Variants in PIEZO2 observed in about 807,000 individuals in gnomAD.
The protein encoded by PIEZO2 is piezo type mechanosensitive ion channel component 2.
A neutral mutation model predicts 337.3 loss-of-function variants in PIEZO2; 172 were observed. That is an observed-to-expected ratio of 0.51 (90% CI 0.45 to 0.58). The LOEUF is 0.58. PIEZO2 is among the 20% of genes least tolerant of loss of function. PIEZO2 has a pLI of 0.00. For missense variants in PIEZO2, 3,028 were observed against 3,391.3 expected (o/e 0.89, Z 2.66); for synonymous variants, 1,251 against 1,228.5 (o/e 1.02, Z -0.38).
chr18:10,759,109 G>T lies in PIEZO2; in HGVS notation c.3757+373C>A, dbSNP rs2038011496. Among the ~76,000 whole-genome samples, 1 of 151,828 alleles carries T rather than the reference G, an allele frequency of 6.6e-6. No individual in the cohort carries two copies. Reference sequence around the variant, plus strand: ...CCAGCATCCACTGTCCCATGTTCAGGGTTTATTTATCTGCACTGGGAGCCA... The same window carrying T: ...CCAGCATCCACTGTCCCATGTTCAGTGTTTATTTATCTGCACTGGGAGCCA... On this transcript the variant is annotated intron_variant, in intron 26 of 55. Coordinates refer to ENST00000674853, the MANE Select transcript of PIEZO2 (RefSeq NM_001378183.1). This position sits in a 1 kb window ranked among gnomAD's most constrained non-coding sequence, Gnocchi z 5.5.
chr18:10,684,332 A>ATT (rs61237263), intron 49 of PIEZO2, among the ~76,000 whole-genome samples: 33,542 of 147,958 alleles, frequency 0.23, 5,169 homozygotes, highest in African/African-American at 0.43. Flanking sequence ...TGCCTGGCTA[A>ATT]TTTTTTGTAT....
Position 10,742,543 on chromosome 18 carries a change from C to T in PIEZO2, c.4587G>A (p.Glu1529=). Residue 1529 remains glutamate, a synonymous_variant, in exon 32 of 56, where the codon GAG becomes GAA. Transcript: ENST00000674853. ...TTTGCATGTCCTGGCCTTCCCCTGG[C>T]TCCTGGGTCAAGCTCAGCATCCTCT... ...GKERMLSLTQ[E]PGEGQDMQKL... The T allele has an allele frequency of 6.5e-7, 1 of 1,537,216 alleles. No individual in the cohort carries two copies. Among genetic ancestry groups the T allele is most frequent in the South Asian group, 1.2e-5 (1 of 84,054 alleles).
chr18:10,840,335 T>C (rs2041153275), intron 7 of PIEZO2, among the ~76,000 whole-genome samples: 1 of 152,228 alleles, frequency 6.6e-6, no homozygotes, highest in African/African-American at 2.4e-5. Flanking sequence ...GTGCCATGTA[T>C]GTTAATCACA....
Position 10,759,798 on chromosome 18 carries a change from C to A in PIEZO2, c.3562G>T (p.Ala1188Ser), listed in dbSNP as rs1032376682. 1.3e-6 allele frequency: 2 copies of A among 1,537,198 alleles called. No individual in the cohort carries two copies. Among genetic ancestry groups the A allele is most frequent in the South Asian group, 1.2e-5 (1 of 84,058 alleles). ...CAGCAGTACTTGGGCCAGATCTCTG[C>A]GATGGCTTTCCTTCTGCGTCTATAT... ...VLYRRRRKAI[A>S]EIWPKYCCFL... The change falls in exon 25 of 56, where the codon GCA becomes TCA. Residue 1188 changes from alanine to serine, a missense_variant. By Grantham distance (99) the Ala-to-Ser change is moderately conservative. This residue lies in a region of PIEZO2 where 1,925 missense variants were observed against 2,051.9 expected (regional missense o/e 0.94). Coordinates refer to ENST00000674853, the MANE Select transcript of PIEZO2 (RefSeq NM_001378183.1). The surrounding 1 kb of genome is among the most constrained non-coding windows in gnomAD (Gnocchi z 5.5).
rs1390880539 is a variant in PIEZO2 at position 10,886,345 on chromosome 18, C to CATATACATATATATATATATAT, written c.330-14931_330-14930insATATATATATATATATGTATAT. Reference sequence around the variant, plus strand: ...ATACATATATATATATATATATATACACACACACACACACACATATATATG... The same window carrying CATATACATATATATATATATAT: ...ATACATATATATATATATATATATACATATACATATATATATATATATACACACACACACACACATATATATG... On this transcript the variant is annotated intron_variant, in intron 4 of 55. Coordinates refer to ENST00000674853, the MANE Select transcript of PIEZO2 (RefSeq NM_001378183.1). Among the ~76,000 whole-genome samples the CATATACATATATATATATATAT allele has an allele frequency of 6.1e-4, 5 of 8,132 alleles. 1 individual carries two copies. The highest frequency in any genetic ancestry group is 8.6e-4 in the African/African-American group (1 of 1,164). The allele number at this position is 8,132 out of a possible 152,430, so 5.3% of individuals were successfully genotyped here.
intron 3 of PIEZO2, among the ~76,000 whole-genome samples, chr18:10,949,088 T>C (rs1192018160): frequency 6.6e-6 from 1 of 152,184 alleles, no homozygotes; most frequent in Non-Finnish European, 1.5e-5. Context: ...ACAGAAATGG[T>C]CATTTGTTGG....
rs149883737 is a variant in PIEZO2 at position 10,820,939 on chromosome 18, C to A, written c.918-13665G>T. On this transcript the variant is annotated intron_variant, in intron 7 of 55. Transcript: ENST00000674853. Reference sequence around the variant, plus strand: ...TTTCAGAAATCTATATGAGCTCTGGCAGTTACTAACTTTACAGTTCCTCAA... The same window carrying A: ...TTTCAGAAATCTATATGAGCTCTGGAAGTTACTAACTTTACAGTTCCTCAA... 3.3e-5 allele frequency among the ~76,000 whole-genome samples: 5 copies of A among 152,318 alleles called. No individual in the cohort carries two copies. In the East Asian group the frequency reaches 9.6e-4, roughly 29 times the overall value.
intron 4 of PIEZO2, 22 bp from the exon 5 acceptor site, chr18:10,871,437 A>AG (rs1252725382): frequency 2.0e-6 from 3 of 1,520,080 alleles, no homozygotes; most frequent in Non-Finnish European, 2.6e-6. Flanking sequence ...AAACAAGGGG[A>AG]GGGGAAAAAA....
rs2036888058 is a variant in PIEZO2 at position 11,035,311 on chromosome 18, CT to C, written c.160+30815del. Among the ~76,000 whole-genome samples, 3 of 114,894 alleles carry C rather than the reference CT, an allele frequency of 2.6e-5. No homozygotes were observed. The highest frequency in any genetic ancestry group is 1.3e-4 in the African/African-American group (3 of 23,280). The allele number at this position is 114,894 out of a possible 152,430, so 75.4% of individuals were successfully genotyped here. On this transcript the variant is annotated intron_variant, in intron 2 of 55. Coordinates refer to ENST00000674853, the MANE Select transcript of PIEZO2 (RefSeq NM_001378183.1). The surrounding 1 kb of genome is among the most constrained non-coding windows in gnomAD (Gnocchi z 4.3). ...AAAAAGCCTGGCACCTTCTCTCTCT[CT>C]CCCTCTCTCTCTCTCTCTCTCTTTC...
At position 10,713,080 on chromosome 18, in the gene PIEZO2, T is replaced by C. The variant is rs756861831; in HGVS notation, c.5423+1684A>G. ...GGCAGGGATACACCCATGCACAGTG[T>C]TATCTGCACGAATATTACTTCTAAA... is the stretch of plus-strand genomic sequence containing the variant. On this transcript the variant is annotated intron_variant, in intron 39 of 55. Transcript: ENST00000674853. This position sits in a 1 kb window ranked among gnomAD's most constrained non-coding sequence, Gnocchi z 4.5. Among the ~76,000 whole-genome samples the C allele has an allele frequency of 9.2e-5, 14 of 152,220 alleles. No homozygotes were observed. Among genetic ancestry groups the C allele is most frequent in the Non-Finnish European group, 1.2e-4 (8 of 68,038 alleles).
intron 16 of PIEZO2, among the ~76,000 whole-genome samples, chr18:10,786,565 T>C (rs1217916395): frequency 6.6e-6 from 1 of 152,198 alleles, no homozygotes; most frequent in Non-Finnish European, 1.5e-5. Context: ...TAGAGCACTA[T>C]CTCCCACATG....
rs59190236 is a variant in PIEZO2 at position 10,934,636 on chromosome 18, CGTGTGTGTGTGT to C, written c.287-23420_287-23409del. Among the ~76,000 whole-genome samples, 490 of 130,826 alleles carry C rather than the reference CGTGTGTGTGTGT, an allele frequency of 3.7e-3. 2 individuals carry two copies. The highest frequency in any genetic ancestry group is 0.013 in the African/African-American group (432 of 34,026). The allele number at this position is 130,826 out of a possible 152,430, so 85.8% of individuals were successfully genotyped here. A position where few individuals can be genotyped will look rare whatever the true frequency, so the allele number is the denominator to read the frequency against. On this transcript the variant is annotated intron_variant, in intron 3 of 55. Coordinates refer to ENST00000674853, the MANE Select transcript of PIEZO2 (RefSeq NM_001378183.1). ...TTAGGAATTGTCAGTATTGTGTGTA[CGTGTGTGTGTGT>C]GTGTGTGTGTGTGTGTGTGTGTGTG... is the stretch of plus-strand genomic sequence containing the variant.
At position 10,677,800 on chromosome 18, in the gene PIEZO2, C is replaced by T. The variant is rs974552233; in HGVS notation, c.8028G>A (p.Lys2676=). Residue 2676 remains lysine (K), a synonymous_variant, in exon 53 of 56, where the codon AAG becomes AAA. Coordinates refer to ENST00000674853, the MANE Select transcript of PIEZO2 (RefSeq NM_001378183.1). The surrounding 1 kb of genome is among the most constrained non-coding windows in gnomAD (Gnocchi z 4.1). The part of the protein sequence containing the change: ...LSFPLKNITR[K]NIAKMIAGNS... ...TGCCTGCTATCATTTTAGCGATATT[C>T]TTTCGAGTAATATTTTTAAGAGGAA... is the stretch of plus-strand genomic sequence containing the variant. 1.2e-6 allele frequency: 2 copies of T among 1,611,002 alleles called. No individual in the cohort carries two copies. Among genetic ancestry groups the T allele is most frequent in the Admixed American group, 3.4e-5 (2 of 59,528 alleles).
At position 10,807,274 on chromosome 18, in the gene PIEZO2, C is replaced by G; in HGVS notation, c.918G>C (p.Arg306Ser). ...GAATTACTGACTTGATACCAAACAA[C>G]CTGTTAAAAAACAAAGAAAAATGCT... ...EAVPPNDYYA[R>S]LFGIKSVIQT... The change falls in exon 8 of 56, where the codon AGG becomes AGC. Residue 306 changes from arginine (R) to serine (S), a missense_variant and splice_region_variant. Physicochemically the swap from Arg to Ser is moderately radical, Grantham distance 110. Around this residue, in one of 5 missense-constraint regions of PIEZO2, gnomAD observed 542 missense variants for 605.6 expected, o/e 0.89. Transcript: ENST00000674853. 1 of 1,533,182 alleles carries G rather than the reference C, an allele frequency of 6.5e-7. No individual in the cohort carries two copies. Among genetic ancestry groups the G allele is most frequent in the Non-Finnish European group, 8.7e-7 (1 of 1,144,152 alleles). 95.0% of individuals were successfully genotyped at this position (1,533,182 alleles called of 1,614,324 possible). A position where few individuals can be genotyped will look rare whatever the true frequency, so the allele number is the denominator to read the frequency against.
chr18:11,049,186 T>C (rs1402124140), intron 2 of PIEZO2, among the ~76,000 whole-genome samples: 1 of 152,182 alleles, frequency 6.6e-6, no homozygotes, highest in African/African-American at 2.4e-5. Flanking sequence ...TCAGCACGTA[T>C]CAGGCCTGAT....
intron 2 of PIEZO2, among the ~76,000 whole-genome samples, chr18:11,037,876 G>C (rs1189184656): frequency 6.6e-6 from 1 of 152,190 alleles, no homozygotes; most frequent in Non-Finnish European, 1.5e-5. Flanking sequence ...CATCCATATA[G>C]GTTTGTTAGG....
Position 11,126,665 on chromosome 18 carries a change from T to C in PIEZO2, c.64+21860A>G, listed in dbSNP as rs1200674540. ...TTTTTGTATTCCCAGAATCGAGCCA[T>C]CCTGATAGGCCAGTAAATGTTTATT... On this transcript the variant is annotated intron_variant, in intron 1 of 55. Coordinates refer to ENST00000674853, the MANE Select transcript of PIEZO2 (RefSeq NM_001378183.1). This position sits in a 1 kb window ranked among gnomAD's most constrained non-coding sequence, Gnocchi z 4.6. Among the ~76,000 whole-genome samples, 2 of 151,912 alleles carry C rather than the reference T, an allele frequency of 1.3e-5. No homozygotes were observed. The highest frequency in any genetic ancestry group is 3.9e-4 in the East Asian group (2 of 5,172).
intron 7 of PIEZO2, among the ~76,000 whole-genome samples, chr18:10,848,953 CA>C (rs1315087893): frequency 6.6e-6 from 1 of 152,138 alleles, no homozygotes; most frequent in Non-Finnish European, 1.5e-5. Context: ...ACAAGATAAG[CA>C]AACCAACAAA....
rs979918243 is a variant in PIEZO2 at position 10,979,314 on chromosome 18, T to C, written c.286+221A>G. 6.6e-6 allele frequency among the ~76,000 whole-genome samples: 1 copy of C among 152,078 alleles called. No individual in the cohort carries two copies. Among genetic ancestry groups the C allele is most frequent in the Non-Finnish European group, 1.5e-5 (1 of 68,012 alleles). The stretch of plus-strand genomic sequence containing the variant: ...CAGATAGGAGGTGATCTCCAATACA[T>C]GCTGAAGAGTCATTCATAAACTTAA... On this transcript the variant is annotated intron_variant, in intron 3 of 55. Coordinates refer to ENST00000674853, the MANE Select transcript of PIEZO2 (RefSeq NM_001378183.1). The surrounding 1 kb of genome is among the most constrained non-coding windows in gnomAD (Gnocchi z 4.0).
Sources: gnomAD v4.1 joint callset for allele counts (sites outside exome capture counted in the v4.1 genomes callset) on GRCh38, gnomAD v4.1.1 for gene constraint, gnomAD v4.1.1 regional missense constraint, Gnocchi (gnomAD v3.1) non-coding constraint, MANE v1.5 for transcripts, NCBI Gene and HGNC (gene_info 2026-07-23, HGNC 2026-07-21) for gene names.